Variants in BLM observed in about 807,000 individuals in gnomAD.
The protein encoded by BLM is BLM RecQ like helicase.
A neutral mutation model predicts 135.3 loss-of-function variants in BLM; 95 were observed. The observed-to-expected ratio is 0.70, with a 90% CI of 0.59 to 0.83. The LOEUF is 0.83. BLM is among the 40% of genes least tolerant of loss of function. The pLI is 0.00. For missense variants in BLM, 1,518 were observed against 1,663.9 expected, an observed-to-expected ratio of 0.91 and a Z score of 1.53; for synonymous variants, 520 against 589.2, an observed-to-expected ratio of 0.88 and a Z score of 1.70.
At chr15:90,775,512 G>A (rs1041331086) in intron 12 of BLM, among the ~76,000 whole-genome samples, 43 of 141,564 alleles carry the variant, frequency 3.0e-4, no homozygotes, top group African/African-American at 9.2e-4. Flanking sequence ...ATATATATAT[G>A]TGTGTGTGTG....
At chr15:90,742,998 CT>C (rs11306432) in intron 1 of BLM, among the ~76,000 whole-genome samples, 11,765 of 139,966 alleles carry the variant, frequency 0.084, 758 homozygotes, top group African/African-American at 0.19. Flanking sequence ...TTTCCTGTGA[CT>C]TTTTTTTTTT....
chr15:90,798,107 T>G (rs1401229954), intron 16 of BLM, 83 bp from the exon 17 acceptor site: 36 of 1,247,040 alleles, frequency 2.9e-5, no homozygotes, highest in Non-Finnish European at 3.9e-5. Flanking sequence ...TTATGATGAA[T>G]CTACTATAGT....
At chr15:90,743,158 G>C (rs908348137) in intron 1 of BLM, among the ~76,000 whole-genome samples, 2 of 151,280 alleles carry the variant, frequency 1.3e-5, no homozygotes, top group Non-Finnish European at 3.0e-5. Flanking sequence ...CACCATGCCT[G>C]GCTAAAGATG....
intron 19 of BLM, among the ~76,000 whole-genome samples, chr15:90,808,105 T>G (rs1299344749): frequency 6.6e-6 from 1 of 152,274 alleles, no homozygotes; most frequent in African/African-American, 2.4e-5. Flanking sequence ...GTGAATGTGA[T>G]GTACATTTTA....
chr15:90,765,233 A>G, intron 8 of BLM, 63 bp from the exon 9 acceptor site: 1 of 1,320,746 alleles, frequency 7.6e-7, no homozygotes, highest in South Asian at 1.2e-5. Flanking sequence ...TTTCTTTTGT[A>G]ACTTTTACAT....
In BLM at chr15:90,751,895, C is replaced by T. The variant is rs1448898003; in HGVS notation, c.908C>T (p.Pro303Leu). 6.2e-7 allele frequency: 1 copy of T among 1,613,180 alleles called. No individual in the cohort carries two copies. The highest frequency in any genetic ancestry group is 8.5e-7 in the Non-Finnish European group (1 of 1,179,314). The change falls in exon 4 of 22, where the codon CCT (proline) becomes CTT (leucine). Residue 303 changes from proline to leucine, a missense_variant. Physicochemically the swap from Pro to Leu is moderately conservative, Grantham distance 98 (BLOSUM62 -3). Around this residue, in one of 5 missense-constraint regions of BLM, gnomAD observed 724 missense variants for 756.9 expected, o/e 0.96. Transcript: ENST00000355112. ...GATTATGATACGGATTTTGTTCCAC[C>T]TTCTCCAGAAGAAATTATTTCTGCT... ...DDDYDTDFVP[P>L]SPEEIISASS...
chr15:90,727,431 T>C (rs1000501461), intron 1 of BLM, among the ~76,000 whole-genome samples: 1 of 152,204 alleles, frequency 6.6e-6, no homozygotes, highest in African/African-American at 2.4e-5. Flanking sequence ...GGCCTGAAAC[T>C]GTTACCTTCA....
intron 7 of BLM, among the ~76,000 whole-genome samples, chr15:90,761,700 A>G (rs947461653): frequency 6.6e-6 from 1 of 152,232 alleles, no homozygotes; most frequent in Non-Finnish European, 1.5e-5. Context: ...AATATAGGGT[A>G]GTCTATAAAG....
At chr15:90,767,765 G>C (rs1369577641) in intron 10 of BLM, among the ~76,000 whole-genome samples, 6 of 152,108 alleles carry the variant, frequency 3.9e-5, no homozygotes, top group African/African-American at 1.2e-4. Context: ...TAGATATCCT[G>C]TTGTGGGATG....
In BLM at chr15:90,780,697, C is replaced by G. The variant is rs552666682; in HGVS notation, c.2556-2125C>G. On this transcript the variant is annotated intron_variant, in intron 12 of 21. Coordinates refer to ENST00000355112, the MANE Select transcript of BLM (RefSeq NM_000057.4). ...AGATTTGAATTTGCTGAGCACCAAG[C>G]GCTATGCTGTGTCCACATGAATGAA... 5.1e-4 allele frequency among the ~76,000 whole-genome samples: 77 copies of G among 152,324 alleles called. No individual in the cohort carries two copies. The South Asian group carries it at 9.9e-3, about 20-fold the overall frequency.
At chr15:90,762,443 T>C (rs1896012079) in intron 7 of BLM, 1 of 155,050 alleles carries the variant, frequency 6.4e-6, no homozygotes. Context: ...CAGGTACCAA[T>C]GTCTTGCAGA....
chr15:90,727,220 C>G (rs1251078036), intron 1 of BLM, among the ~76,000 whole-genome samples: 1 of 151,966 alleles, frequency 6.6e-6, no homozygotes, highest in Non-Finnish European at 1.5e-5. Flanking sequence ...TGCTGTGTTG[C>G]CCAAGCTGGT....
At chr15:90,750,361 C>T (rs907145729) in intron 3 of BLM, among the ~76,000 whole-genome samples, 9 of 152,110 alleles carry the variant, frequency 5.9e-5, no homozygotes, top group African/African-American at 2.2e-4. Context: ...TTCAGTTACC[C>T]GCAGCCGGCT....
At chr15:90,768,635 A>G (rs1896205071) in intron 10 of BLM, among the ~76,000 whole-genome samples, 1 of 152,252 alleles carries the variant, frequency 6.6e-6, no homozygotes, top group Non-Finnish European at 1.5e-5. Flanking sequence ...GTTGGTGAAC[A>G]TTCTAAAATT....
intron 1 of BLM, among the ~76,000 whole-genome samples, chr15:90,733,014 A>G (rs1421871207): frequency 6.6e-6 from 1 of 152,130 alleles, no homozygotes; most frequent in Non-Finnish European, 1.5e-5. Context: ...AATTGCTTGA[A>G]CCTGGAAGGC....
At chr15:90,781,212 T>C (rs1896608979) in intron 12 of BLM, among the ~76,000 whole-genome samples, 1 of 152,206 alleles carries the variant, frequency 6.6e-6, no homozygotes, top group African/African-American at 2.4e-5. Flanking sequence ...CTGTAATCAG[T>C]AGGGCTTTAA....
At chr15:90,811,495 T>C in intron 21 of BLM, 89 bp downstream of exon 21, 2 of 1,377,456 alleles carry the variant, frequency 1.5e-6, no homozygotes, top group Non-Finnish European at 2.0e-6. Flanking sequence ...AAGGATTTAT[T>C]AAAATAAGCC....
At chr15:90,792,929 T>TA (rs28385087) in intron 15 of BLM, among the ~76,000 whole-genome samples, 83 of 151,214 alleles carry the variant, frequency 5.5e-4, no homozygotes, top group African/African-American at 1.7e-3. Flanking sequence ...GTGTTTTTTT[T>TA]AAAATCTATA....
At chr15:90,779,253 A>G (rs780066228) in intron 12 of BLM, among the ~76,000 whole-genome samples, 4 of 152,110 alleles carry the variant, frequency 2.6e-5, no homozygotes, top group Non-Finnish European at 4.4e-5. Context: ...CATTTTCACT[A>G]GCGATGTATG....
Sources: gnomAD v4.1 joint callset for allele counts (sites outside exome capture counted in the v4.1 genomes callset) on GRCh38, gnomAD v4.1.1 for gene constraint, gnomAD v4.1.1 regional missense constraint, MANE v1.5 for transcripts, NCBI Gene and HGNC (gene_info 2026-07-23, HGNC 2026-07-21) for gene names.